Variants in GPN1 observed in about 807,000 individuals in gnomAD.
GPN1 encodes GPN-loop GTPase 1.
A neutral mutation model predicts 55.9 loss-of-function variants in GPN1; 44 were observed. The observed-to-expected ratio is 0.79, with a 90% CI of 0.62 to 1.01. The LOEUF (loss-of-function observed/expected upper bound fraction) is 1.01, where lower values mean the gene tolerates loss of function less well. Ranked by LOEUF, GPN1 falls within the 50% of genes least tolerant of loss-of-function variation. The probability of loss-of-function intolerance (pLI) is 0.00; values close to 1 mark genes in which losing one functional copy is unlikely to be tolerated. For synonymous variants in GPN1, 179 were observed against 162.5 expected (o/e 1.10, Z -0.77); for missense variants, 466 against 462.8 (o/e 1.01, Z -0.06).
At position 27,638,985 on chromosome 2, in the gene GPN1, C is replaced by G. The variant is rs1673839678; in HGVS notation, c.671C>G (p.Thr224Ser). 1.9e-6 allele frequency: 3 copies of G among 1,613,550 alleles called. No homozygotes were observed. In the East Asian group the frequency reaches 6.7e-5, roughly 36 times the overall value. ...GAGACTACATACGTCAGTAACCTGA[C>G]TCGTTCAATGAGCCTGGTGTTAGAT... ...NQETTYVSNL[T>S]RSMSLVLDEF... The change falls in exon 9 of 14, where the codon ACT becomes AGT. Residue 224 changes from threonine to serine, a missense_variant. By Grantham distance (58) the Thr-to-Ser change is moderately conservative (BLOSUM62 1). Transcript: ENST00000610189.
intron 12 of GPN1, 74 bp from the exon 13 acceptor site, chr2:27,647,761 TA>T: frequency 1.2e-6 from 1 of 842,558 alleles, no homozygotes; most frequent in Non-Finnish European, 2.0e-6. Flanking sequence ...CCTGCCAGTT[TA>T]TGATCATAGT....
At chr2:27,638,789 T>C (rs1673830524) in intron 8 of GPN1, 96 bp from the exon 9 acceptor site, 3 of 989,580 alleles carry the variant, frequency 3.0e-6, no homozygotes, top group Non-Finnish European at 4.5e-6. Flanking sequence ...AGAAAATATA[T>C]GGATGATATG....
chr2:27,631,039 C>A lies in GPN1; in HGVS notation c.218C>A (p.Thr73Asn). The A allele has an allele frequency of 3.7e-6, 5 of 1,364,814 alleles. No individual in the cohort carries two copies. Among genetic ancestry groups the A allele is most frequent in the Non-Finnish European group, 5.2e-6 (5 of 955,078 alleles). 84.5% of individuals were successfully genotyped at this position (1,364,814 alleles called of 1,614,324 possible). The change falls in exon 3 of 14, where the codon ACT (threonine) becomes AAT (asparagine). Residue 73 changes from threonine (T) to asparagine (N), a missense_variant. Coordinates refer to ENST00000610189, the MANE Select transcript of GPN1 (RefSeq NM_007266.4). Reference protein sequence around the residue: ...PFPANIDIRDTVKYKEVMKQY... With the variant: ...PFPANIDIRDNVKYKEVMKQY... ...TTTTTCTCCTCAGATATTCGTGATACTGTAAAGTATAAAGAAGTAATGAAA... is the reference window on the plus strand; with the variant it reads ...TTTTTCTCCTCAGATATTCGTGATAATGTAAAGTATAAAGAAGTAATGAAA...
chr2:27,628,487 G>C (rs1203444182), upstream of GPN1: 90 of 1,551,414 alleles, frequency 5.8e-5, no homozygotes, highest in Non-Finnish European at 7.8e-5. Context: ...TCAGGAACCT[G>C]CGTCTGCAAC....
chr2:27,633,949 C>A (rs1417379954), intron 5 of GPN1, among the ~76,000 whole-genome samples: 1 of 151,244 alleles, frequency 6.6e-6, no homozygotes, highest in African/African-American at 2.4e-5. Flanking sequence ...ATACTCATTA[C>A]CAATCACTCC....
At chr2:27,635,382 G>T in intron 7 of GPN1, 148 bp downstream of exon 7, 1 of 599,754 alleles carries the variant, frequency 1.7e-6, no homozygotes. Context: ...GTGGCTGTGA[G>T]CTGGGGAAGG....
chr2:27,629,778 A>T, intron 1 of GPN1, 81 bp from the exon 2 acceptor site: 1 of 797,498 alleles, frequency 1.3e-6, no homozygotes, highest in Non-Finnish European at 2.3e-6. Context: ...CAATATTCTT[A>T]AGGCATGGGT....
chr2:27,633,795 T>C (rs1308260656), intron 5 of GPN1, among the ~76,000 whole-genome samples: 2 of 151,870 alleles, frequency 1.3e-5, no homozygotes, highest in African/African-American at 4.8e-5. Context: ...TTTTTTTTTT[T>C]TTAATGACAG....
In GPN1 at chr2:27,629,096, C is replaced by T. The variant is rs201420303; in HGVS notation, c.38C>T (p.Ser13Phe). 189 of 1,614,212 alleles carry T rather than the reference C, an allele frequency of 1.2e-4. 1 individual carries two copies. In the East Asian group the frequency reaches 2.9e-3, roughly 24 times the overall value. ...ASAAAAELQA[S>F]GGPRHPVCLL... ...GCAGCTGCCGCTGAGCTCCAGGCTTCTGGGGGTCCGCGGCACCCAGTGTGT... is the reference window on the plus strand; with the variant it reads ...GCAGCTGCCGCTGAGCTCCAGGCTTTTGGGGGTCCGCGGCACCCAGTGTGT... Residue 13 changes from serine (S) to phenylalanine (F), a missense_variant, in exon 1 of 14, where the codon TCT (serine) becomes TTT (phenylalanine). Ser to Phe is a radical substitution (Grantham distance 155, BLOSUM62 -2). Transcript: ENST00000610189.
At chr2:27,633,784 A>AT (rs58286653) in intron 5 of GPN1, among the ~76,000 whole-genome samples, 40,338 of 145,978 alleles carry the variant, frequency 0.28, 6,089 homozygotes, top group East Asian at 0.57. Flanking sequence ...GCCTGGAGGT[A>AT]TTTTTTTTTT....
intron 12 of GPN1, among the ~76,000 whole-genome samples, chr2:27,647,204 G>T (rs961271638): frequency 6.6e-6 from 1 of 152,182 alleles, no homozygotes; most frequent in South Asian, 2.1e-4. Flanking sequence ...AGCCTCATAG[G>T]CTCCTGAAGA....
chr2:27,629,300 C>T (rs887634547), intron 1 of GPN1, 131 bp downstream of exon 1: 2 of 1,465,276 alleles, frequency 1.4e-6, no homozygotes, highest in East Asian at 2.4e-5. Flanking sequence ...TTCCCATCAA[C>T]TTTAGTTCCT....
chr2:27,645,860 G>C (rs763947096), intron 12 of GPN1, among the ~76,000 whole-genome samples: 5 of 151,766 alleles, frequency 3.3e-5, no homozygotes, highest in Non-Finnish European at 7.4e-5. Context: ...CTCCCAAGTA[G>C]CTGGAACTAG....
rs369391951 is a variant in GPN1, at chr2:27,639,010, T to C, written c.696T>C (p.Asp232=). 1.3e-5 allele frequency: 21 copies of C among 1,612,568 alleles called. No homozygotes were observed. The African/African-American group carries it at 2.3e-4, about 17-fold the overall frequency. Residue 232 remains aspartate, a synonymous_variant, in exon 9 of 14, where the codon GAT becomes GAC. Coordinates refer to ENST00000610189, the MANE Select transcript of GPN1 (RefSeq NM_007266.4). The stretch of plus-strand genomic sequence containing the variant: ...CTCGTTCAATGAGCCTGGTGTTAGA[T>C]GAGTTTTACAGCTCACTCAGGGTAA... ...NLTRSMSLVL[D]EFYSSLRVVG...
At chr2:27,635,272 T>G in intron 7 of GPN1, 38 bp downstream of exon 7, 1 of 944,880 alleles carries the variant, frequency 1.1e-6, no homozygotes. Flanking sequence ...TCCATCAAGG[T>G]ATAAGGCCTT....
At chr2:27,644,131 C>T (rs796872895) in intron 12 of GPN1, among the ~76,000 whole-genome samples, 8 of 152,252 alleles carry the variant, frequency 5.3e-5, no homozygotes, top group African/African-American at 1.2e-4. Flanking sequence ...GCAAAGATCG[C>T]GCCACTGCAC....
intron 2 of GPN1, among the ~76,000 whole-genome samples, chr2:27,630,554 A>G (rs1453331161): frequency 6.6e-6 from 1 of 151,830 alleles, no homozygotes; most frequent in Admixed American, 6.6e-5. Context: ...TTGGAGAGAC[A>G]AGGCCTCTCT....
chr2:27,638,103 A>G, intron 7 of GPN1, 107 bp from the exon 8 acceptor site: 1 of 662,884 alleles, frequency 1.5e-6, no homozygotes, highest in East Asian at 2.7e-5. Flanking sequence ...ACTACTTTTT[A>G]GATTCTGAAC....
intron 5 of GPN1, 93 bp downstream of exon 5, chr2:27,632,763 A>C (rs1673600701): frequency 1.2e-6 from 1 of 863,978 alleles, no homozygotes; most frequent in African/African-American, 1.7e-5. Context: ...CCTCTGAAAG[A>C]ATATAGATTG....
Sources: allele counts gnomAD v4.1 joint callset (sites outside exome capture counted in the v4.1 genomes callset), GRCh38; gene constraint gnomAD v4.1.1; transcripts MANE v1.5; gene names NCBI Gene and HGNC (gene_info 2026-07-23, HGNC 2026-07-21).